The following CPNE2 variants were observed in gnomAD, a reference collection of about 807,000 sequenced individuals.
CPNE2 encodes copine 2.
Under a neutral mutation model 69.7 loss-of-function variants are expected in CPNE2, and 42 were observed. The observed-to-expected ratio is 0.60, with a 90% CI of 0.47 to 0.78. The LOEUF is 0.78. Ranked by LOEUF, CPNE2 falls within the 30% of genes least tolerant of loss-of-function variation. The probability of loss-of-function intolerance (pLI) is 0.00; values close to 1 mark genes in which losing one functional copy is unlikely to be tolerated. For synonymous variants in CPNE2, 294 were observed against 289.8 expected (o/e 1.01, Z -0.15); for missense variants, 587 against 732.0 (o/e 0.80, Z 2.29).
At chr16:57,118,011 C>G (rs1373634735) in intron 5 of CPNE2, among the ~76,000 whole-genome samples, 5 of 152,138 alleles carry the variant, frequency 3.3e-5, no homozygotes, top group East Asian at 3.9e-4. Context: ...CTGGGATGCT[C>G]TCTTCCTTGA....
At chr16:57,102,734 TG>T (rs1291479219) in intron 1 of CPNE2, among the ~76,000 whole-genome samples, 3 of 152,064 alleles carry the variant, frequency 2.0e-5, no homozygotes, top group African/African-American at 7.2e-5. Context: ...CTGAAGTAGC[TG>T]GGATTACAGG....
intron 1 of CPNE2, among the ~76,000 whole-genome samples, chr16:57,107,302 T>C (rs577688842): frequency 2.1e-4 from 32 of 152,312 alleles, no homozygotes; most frequent in African/African-American, 7.7e-4. Context: ...GCTCGTGTGA[T>C]TATAACAAGG....
At chr16:57,100,200 C>G (rs995535362) in intron 1 of CPNE2, among the ~76,000 whole-genome samples, 1 of 152,154 alleles carries the variant, frequency 6.6e-6, no homozygotes, top group East Asian at 1.9e-4. Flanking sequence ...TCACCATGCC[C>G]GGCTGCATTT....
intron 7 of CPNE2, among the ~76,000 whole-genome samples, chr16:57,120,439 CA>C (rs11297488): frequency 0.57 from 78,675 of 137,432 alleles, 22,335 homozygotes; most frequent in Admixed American, 0.73. Flanking sequence ...GAGACCGTCT[CA>C]AAAAAAAAAA....
At chr16:57,127,556 G>A (rs1387734220) in intron 11 of CPNE2, among the ~76,000 whole-genome samples, 1 of 152,152 alleles carries the variant, frequency 6.6e-6, no homozygotes, top group African/African-American at 2.4e-5. Context: ...TTTAGTGGCT[G>A]GCTGAAGTCT....
In CPNE2 at chr16:57,110,756, C is replaced by T; in HGVS notation, c.14C>T (p.Pro5Leu). Residue 5 changes from proline (P) to leucine (L), a missense_variant, in exon 2 of 16, where the codon CCC (proline) becomes CTC (leucine). Physicochemically the swap from Pro to Leu is moderately conservative, Grantham distance 98. Coordinates refer to ENST00000290776, the MANE Select transcript of CPNE2 (RefSeq NM_152727.6). ...CCACCGGCTCCCATGGCCCACATACCCAGTGGGGGTGCCCCAGCAGCGGGG... is the reference window on the plus strand; with the variant it reads ...CCACCGGCTCCCATGGCCCACATACTCAGTGGGGGTGCCCCAGCAGCGGGG... MAHIPSGGAPAAGAA... is the reference protein window; with the variant it reads MAHILSGGAPAAGAA... 6 of 1,611,454 alleles carry T rather than the reference C, an allele frequency of 3.7e-6. No homozygotes were observed. Among genetic ancestry groups the T allele is most frequent in the Non-Finnish European group, 4.2e-6 (5 of 1,178,702 alleles).
At position 57,130,642 on chromosome 16, in the gene CPNE2, T is replaced by G. The variant is rs2069831074; in HGVS notation, c.1116+2739T>G. The stretch of plus-strand genomic sequence containing the variant: ...GTTGAGGAAGCCAAGCAGTCAGGGC[T>G]CGGGGAGGAGGGAGTGGGGTTGGAG... On this transcript the variant is annotated intron_variant, in intron 12 of 15. Coordinates refer to ENST00000290776, the MANE Select transcript of CPNE2 (RefSeq NM_152727.6). The surrounding 1 kb of genome is among the most constrained non-coding windows in gnomAD (Gnocchi z 4.1). Among the ~76,000 whole-genome samples, 1 of 151,978 alleles carries G rather than the reference T, an allele frequency of 6.6e-6. No individual in the cohort carries two copies. Among genetic ancestry groups the G allele is most frequent in the South Asian group, 2.1e-4 (1 of 4,812 alleles).
intron 14 of CPNE2, chr16:57,144,930 T>G (rs2069946533): frequency 6.6e-6 from 1 of 151,572 alleles, no homozygotes; most frequent in Non-Finnish European, 1.5e-5. Flanking sequence ...GGAGCGAGAC[T>G]CAGTCTAAAA....
In CPNE2 at chr16:57,121,140, C is replaced by T. The variant is rs756504864; in HGVS notation, c.729C>T (p.Gly243=). 1.5e-5 allele frequency: 24 copies of T among 1,613,878 alleles called. No homozygotes were observed. Among genetic ancestry groups the T allele is most frequent in the Admixed American group, 3.3e-5 (2 of 59,982 alleles). The stretch of plus-strand genomic sequence containing the variant: ...ATGACGGGGGCCATGACTTCATCGG[C>T]GAGTTCCAGACCTCAGTGTCACAGA... ...YDNDGGHDFI[G]EFQTSVSQMC... Residue 243 remains glycine (G), a synonymous_variant, in exon 8 of 16, where the codon GGC becomes GGT. Coordinates refer to ENST00000290776, the MANE Select transcript of CPNE2 (RefSeq NM_152727.6).
intron 9 of CPNE2, 197 bp from the exon 10 acceptor site, chr16:57,123,212 TGTGAG>T: frequency 1.7e-6 from 1 of 603,172 alleles, no homozygotes; most frequent in Non-Finnish European, 3.0e-6. Flanking sequence ...TGGGGGTCTC[TGTGAG>T]TCCCCCACCC....
chr16:57,113,383 G>C lies in CPNE2; in HGVS notation c.276G>C (p.Lys92Asn). ...DYHFEEVQKLKFALFDQDKSS... is the reference protein window; with the variant it reads ...DYHFEEVQKLNFALFDQDKSS... ...ACTTCGAGGAGGTACAGAAGCTCAA[G>C]TTCGCGCTCTTTGACCAGGACAAGT... is the stretch of plus-strand genomic sequence containing the variant. The change falls in exon 3 of 16, where the codon AAG becomes AAC. Residue 92 changes from lysine (K) to asparagine (N), a missense_variant. Lys to Asn is a moderately conservative substitution (Grantham distance 94). Around this residue, in one of 5 missense-constraint regions of CPNE2, gnomAD observed 34 missense variants for 67.1 expected, o/e 0.51. Transcript: ENST00000290776. The C allele has an allele frequency of 6.2e-7, 1 of 1,614,192 alleles. No homozygotes were observed. The highest frequency in any genetic ancestry group is 8.5e-7 in the Non-Finnish European group (1 of 1,180,032).
chr16:57,113,190 T>C (rs2069692690), intron 2 of CPNE2, 98 bp from the exon 3 acceptor site: 1 of 1,106,638 alleles, frequency 9.0e-7, no homozygotes, highest in Non-Finnish European at 1.3e-6. Flanking sequence ...TGGCACAGAG[T>C]AGGCATTGTA....
intron 3 of CPNE2, 38 bp from the exon 4 acceptor site, chr16:57,115,438 G>T: frequency 6.5e-7 from 1 of 1,528,352 alleles, no homozygotes; most frequent in Non-Finnish European, 9.0e-7. Context: ...GGCTTCCCCC[G>T]CTTCCTCACT....
chr16:57,103,718 G>A (rs191165543), intron 1 of CPNE2, among the ~76,000 whole-genome samples: 293 of 152,212 alleles, frequency 1.9e-3, no homozygotes, highest in African/African-American at 6.8e-3. Flanking sequence ...CCACCCAGCC[G>A]GCCCAGCAGC....
chr16:57,119,724 A>T (rs544493141), intron 7 of CPNE2, 74 bp downstream of exon 7: 37 of 1,019,996 alleles, frequency 3.6e-5, no homozygotes, highest in Non-Finnish European at 5.2e-5. Flanking sequence ...GCTCCCGGGG[A>T]TGCCTTGTAG....
At position 57,119,218 on chromosome 16, in the gene CPNE2, C is replaced by G. The variant is rs1466749484; in HGVS notation, c.531C>G (p.Pro177=). 4 of 1,614,164 alleles carry G rather than the reference C, an allele frequency of 2.5e-6. 1 individual carries two copies. In the South Asian group the frequency reaches 4.4e-5, roughly 18 times the overall value. ...AGGACCTCTTTGGGAAGTCAGACCC[C>G]TTTCTGGAGTTTTATAAGCCAGGAG... The part of the protein sequence containing the change: ...DKKDLFGKSD[P]FLEFYKPGDD... The change falls in exon 6 of 16, where the codon CCC becomes CCG. Residue 177 remains proline, a synonymous_variant. Coordinates refer to ENST00000290776, the MANE Select transcript of CPNE2 (RefSeq NM_152727.6).
At chr16:57,115,858 C>G (rs2069715372) in intron 4 of CPNE2, among the ~76,000 whole-genome samples, 1 of 152,234 alleles carries the variant, frequency 6.6e-6, no homozygotes, top group South Asian at 2.1e-4. Flanking sequence ...GTGGCTGCGA[C>G]GCGCAATGAT....
At chr16:57,121,532 G>C (rs2069761860) in intron 8 of CPNE2, 142 bp from the exon 9 acceptor site, 1 of 782,270 alleles carries the variant, frequency 1.3e-6, no homozygotes, top group East Asian at 2.4e-5. Flanking sequence ...ACCATTTTTG[G>C]GTGTGGACAT....
At chr16:57,107,143 C>A (rs1411324667) in intron 1 of CPNE2, among the ~76,000 whole-genome samples, 1 of 152,208 alleles carries the variant, frequency 6.6e-6, no homozygotes, top group Non-Finnish European at 1.5e-5. Context: ...TCCCTGTCTG[C>A]CCCCTTCCCC....
Sources: allele counts gnomAD v4.1 joint callset (sites outside exome capture counted in the v4.1 genomes callset), GRCh38; gene constraint gnomAD v4.1.1; regional missense constraint gnomAD v4.1.1; non-coding constraint Gnocchi (gnomAD v3.1); transcripts MANE v1.5; gene names NCBI Gene and HGNC (gene_info 2026-07-23, HGNC 2026-07-21).